The following SCNN1G variants were observed in gnomAD, a reference collection of about 807,000 sequenced individuals.
SCNN1G encodes the protein epithelial sodium channel subunit gamma.
SCNN1G carries 27 observed loss-of-function variants against 64.6 expected under a neutral mutation model. The ratio of observed to expected loss-of-function variants is 0.42; its 90% CI spans 0.31 to 0.58. The LOEUF (loss-of-function observed/expected upper bound fraction) is 0.58. SCNN1G is among the 20% of genes least tolerant of loss of function. The pLI is 0.18. For synonymous variants in SCNN1G, 330 were observed against 314.2 expected (o/e 1.05, Z -0.53); for missense variants, 743 against 823.4 (o/e 0.90, Z 1.19).
intron 2 of SCNN1G, among the ~76,000 whole-genome samples, chr16:23,186,921 C>G (rs1322997353): frequency 6.6e-6 from 1 of 152,052 alleles, no homozygotes; most frequent in East Asian, 1.9e-4. Flanking sequence ...TAACAATCCT[C>G]CCGAGTAGCT....
In SCNN1G at chr16:23,204,086, C is replaced by G. The variant is rs376421282; in HGVS notation, c.1078-5664C>G. ...TGCACCTAGGAGATTTGAGACCAGT[C>G]TGGGCAATATGGTGACACCCCATCT... On this transcript the variant is annotated intron_variant, in intron 6 of 12. Transcript: ENST00000300061. Among the ~76,000 whole-genome samples, 4 of 150,940 alleles carry G rather than the reference C, an allele frequency of 2.7e-5. No homozygotes were observed. In the South Asian group the frequency reaches 6.3e-4, roughly 24 times the overall value.
intron 5 of SCNN1G, among the ~76,000 whole-genome samples, chr16:23,194,557 T>G (rs191738239): frequency 1.3e-5 from 2 of 152,316 alleles, no homozygotes; most frequent in Admixed American, 6.5e-5. Flanking sequence ...TGGTTTAAAC[T>G]CATAGCTAGG....
chr16:23,214,609 C>T (rs1960130410), intron 11 of SCNN1G, 103 bp from the exon 12 acceptor site: 1 of 895,942 alleles, frequency 1.1e-6, no homozygotes, highest in Non-Finnish European at 1.9e-6. Context: ...AGCTCAGTGC[C>T]TTGGCCATGC....
Position 23,212,893 on chromosome 16 carries a change from A to G in SCNN1G, c.1430A>G (p.Glu477Gly). 1.2e-6 allele frequency: 2 copies of G among 1,613,748 alleles called. No individual in the cohort carries two copies. The highest frequency in any genetic ancestry group is 1.7e-6 in the Non-Finnish European group (2 of 1,179,948). ...SLAQWPSVVS[E>G]KWLLPVLTWD... is the part of the protein sequence containing the mutation. ...GCACAATGGCCATCTGTGGTTTCGG[A>G]GGTAAGTTCTTCTGCCCACCCTTCC... Residue 477 changes from glutamate (E) to glycine (G), a missense_variant and splice_region_variant, in exon 10 of 13, where the codon GAG (glutamate) becomes GGG (glycine). Transcript: ENST00000300061.
intron 5 of SCNN1G, chr16:23,194,730 G>A (rs752512332): frequency 7.7e-5 from 16 of 208,102 alleles, no homozygotes; most frequent in African/African-American, 6.9e-5. Context: ...AAGTTACTGC[G>A]CTTCGTCTAT....
chr16:23,187,668 C>G (rs1461722456), intron 2 of SCNN1G, among the ~76,000 whole-genome samples: 1 of 152,174 alleles, frequency 6.6e-6, no homozygotes. Flanking sequence ...CTCAGCTGCC[C>G]CAAACCCTCA....
intron 6 of SCNN1G, among the ~76,000 whole-genome samples, chr16:23,200,757 G>A (rs749209761): frequency 6.6e-6 from 1 of 152,182 alleles, no homozygotes; most frequent in Non-Finnish European, 1.5e-5. Context: ...ACTGACCTGG[G>A]GCTCATTTTC....
chr16:23,184,513 C>T (rs1368573500), intron 1 of SCNN1G, among the ~76,000 whole-genome samples: 1 of 151,776 alleles, frequency 6.6e-6, no homozygotes, highest in Non-Finnish European at 1.5e-5. Context: ...AAATTATATT[C>T]CTCTTGCCCA....
chr16:23,215,204 C>T lies in SCNN1G; in HGVS notation c.1685C>T (p.Ala562Val), dbSNP rs769475472. Residue 562 changes from alanine (A) to valine (V), a missense_variant, in exon 13 of 13, where the codon GCC becomes GTC. Transcript: ENST00000300061. ...VFFIDFFSII[A>V]RRQWQKAKEW... ...TTCATTGACTTCTTCTCTATCATTG[C>T]CCGCCGCCAGTGGCAGAAAGCCAAG... 7 of 1,614,030 alleles carry T rather than the reference C, an allele frequency of 4.3e-6. No homozygotes were observed. In the East Asian group the frequency reaches 1.3e-4, roughly 31 times the overall value.
At chr16:23,184,260 A>G (rs991744622) in intron 1 of SCNN1G, among the ~76,000 whole-genome samples, 1 of 152,144 alleles carries the variant, frequency 6.6e-6, no homozygotes, top group Non-Finnish European at 1.5e-5. Flanking sequence ...GAAGGGGCTG[A>G]TGGGGCAGAG....
intron 6 of SCNN1G, among the ~76,000 whole-genome samples, chr16:23,198,393 A>G (rs1212211969): frequency 6.6e-6 from 1 of 152,108 alleles, no homozygotes; most frequent in Non-Finnish European, 1.5e-5. Context: ...TTATTCCAGT[A>G]TCTATCTGCC....
chr16:23,188,529 T>C (rs1394842050), intron 2 of SCNN1G, among the ~76,000 whole-genome samples: 3 of 152,034 alleles, frequency 2.0e-5, no homozygotes, highest in African/African-American at 7.3e-5. Context: ...ATAACAATAA[T>C]AGAGGGCATT....
intron 3 of SCNN1G, among the ~76,000 whole-genome samples, chr16:23,190,190 G>A (rs1475384036): frequency 1.3e-5 from 2 of 151,980 alleles, no homozygotes; most frequent in Admixed American, 6.6e-5. Flanking sequence ...CATGGTACAT[G>A]TATACCTTTG....
rs757941893 is a variant in SCNN1G, at chr16:23,186,341, A to AATGGT, written c.70_71insATGGT (p.Thr24AsnfsTer7). 6.2e-7 allele frequency: 1 copy of AATGGT among 1,614,226 alleles called. No homozygotes were observed. Among genetic ancestry groups the AATGGT allele is most frequent in the Non-Finnish European group, 8.5e-7 (1 of 1,180,040 alleles). On this transcript the variant is annotated frameshift_variant, in exon 2 of 13. Transcript: ENST00000300061. LOFTEE classifies it high-confidence loss of function. ...GCCCGTGACGGGCCCTCAGGCGCCG[A>AATGGT]CCATTAAAGAGCTGATGCGGTGGTA...
intron 6 of SCNN1G, among the ~76,000 whole-genome samples, chr16:23,208,733 C>CCT (rs899634813): frequency 3.4e-5 from 5 of 148,168 alleles, no homozygotes; most frequent in Non-Finnish European, 6.0e-5. Context: ...CCCTTCCCTC[C>CCT]CTCTCTCTCT....
intron 6 of SCNN1G, among the ~76,000 whole-genome samples, chr16:23,201,292 T>C (rs1246416859): frequency 6.6e-6 from 1 of 152,154 alleles, no homozygotes; most frequent in Non-Finnish European, 1.5e-5. Context: ...TTCAAACTGG[T>C]GTAAGTTACT....
intron 7 of SCNN1G, 95 bp downstream of exon 7, chr16:23,209,943 C>A: frequency 1.2e-6 from 1 of 857,508 alleles, no homozygotes. Flanking sequence ...GCACCAGGAA[C>A]TCTGGTGAGG....
intron 3 of SCNN1G, 21 bp from the exon 4 acceptor site, chr16:23,192,331 C>A: frequency 6.2e-7 from 1 of 1,606,470 alleles, no homozygotes; most frequent in Non-Finnish European, 8.5e-7. Context: ...GCTTCAGCCT[C>A]GCATCTCCTC....
intron 6 of SCNN1G, among the ~76,000 whole-genome samples, chr16:23,208,511 AAAC>A (rs904254266): frequency 2.0e-5 from 3 of 152,052 alleles, no homozygotes; most frequent in Non-Finnish European, 4.4e-5. Flanking sequence ...TGGGACCAGA[AAAC>A]AAGGCAATGG....
Sources: gnomAD v4.1 joint callset for allele counts (sites outside exome capture counted in the v4.1 genomes callset) on GRCh38, gnomAD v4.1.1 for gene constraint, MANE v1.5 for transcripts, NCBI Gene and HGNC (gene_info 2026-07-23, HGNC 2026-07-21) for gene names.